The following SMIM14 variants were observed in gnomAD, a reference collection of about 807,000 sequenced individuals.
SMIM14 encodes small integral membrane protein 14.
A neutral mutation model predicts 12.6 loss-of-function variants in SMIM14; 5 were observed. The ratio of observed to expected loss-of-function variants is 0.40; its 90% CI spans 0.21 to 0.83. SMIM14 has a LOEUF of 0.83. Ranked by LOEUF, SMIM14 falls within the 40% of genes least tolerant of loss-of-function variation. SMIM14 has a pLI of 0.37. For synonymous variants in SMIM14, 30 were observed against 40.1 expected, an observed-to-expected ratio of 0.75 and a Z score of 0.95; for missense variants, 86 against 119.1, an observed-to-expected ratio of 0.72 and a Z score of 1.29.
At position 39,633,972 on chromosome 4, in the gene SMIM14, G is replaced by A. The variant is rs553422600; in HGVS notation, c.-36+4767C>T. 9.9e-5 allele frequency among the ~76,000 whole-genome samples: 15 copies of A among 152,228 alleles called. No individual in the cohort carries two copies. In the South Asian group the frequency reaches 2.1e-3, roughly 21 times the overall value. On this transcript the variant is annotated intron_variant, in intron 1 of 4. Coordinates refer to ENST00000295958, the MANE Select transcript of SMIM14 (RefSeq NM_174921.3). ...TTTTGAGACGGAGTCTCGCTCTGTC[G>A]CAAGGCTGGAGTGCAGTGGCACAAT...
At chr4:39,581,512 C>CTTT (rs1157198382) in intron 2 of SMIM14, among the ~76,000 whole-genome samples, 1 of 133,726 alleles carries the variant, frequency 7.5e-6, no homozygotes, top group East Asian at 2.5e-4. Flanking sequence ...TTTTCCTTTT[C>CTTT]TTTTTCTTTT....
chr4:39,571,081 T>C (rs1475374832), intron 3 of SMIM14, among the ~76,000 whole-genome samples: 1 of 152,162 alleles, frequency 6.6e-6, no homozygotes, highest in Non-Finnish European at 1.5e-5. Context: ...TAATGGTCAC[T>C]AAGTCTGTCA....
chr4:39,573,256 C>T lies in SMIM14; in HGVS notation c.76-793G>A, dbSNP rs373540710. ...GATTACAGGCACCCGCCACCACACC[C>T]AGATAGTTTTTTTGTATTTTCAGTA... On this transcript the variant is annotated intron_variant, in intron 2 of 4. Transcript: ENST00000295958. Among the ~76,000 whole-genome samples the T allele has an allele frequency of 5.8e-4, 88 of 152,120 alleles. No homozygotes were observed. In the East Asian group the frequency reaches 8.5e-3, roughly 15 times the overall value.
At chr4:39,609,334 A>T (rs1714938705) in intron 1 of SMIM14, among the ~76,000 whole-genome samples, 1 of 152,152 alleles carries the variant, frequency 6.6e-6, no homozygotes, top group African/African-American at 2.4e-5. Context: ...ATATCTCAAA[A>T]AAGCTGTTAC....
At chr4:39,624,445 T>C (rs949795174) in intron 1 of SMIM14, among the ~76,000 whole-genome samples, 5 of 152,222 alleles carry the variant, frequency 3.3e-5, no homozygotes, top group African/African-American at 9.6e-5. Context: ...CTGCCAGATA[T>C]GACCAATCAT....
intron 1 of SMIM14, among the ~76,000 whole-genome samples, chr4:39,619,747 T>TATTATATATATATCAATA (rs1715388746): frequency 2.5e-5 from 1 of 40,584 alleles, no homozygotes; most frequent in Non-Finnish European, 6.1e-5. Flanking sequence ...TCAATAAATA[T>TATTATATATATATCAATA]AATTTATTAT....
chr4:39,553,595 GT>G lies in SMIM14; in HGVS notation c.268-1438del, dbSNP rs370247858. On this transcript the variant is annotated intron_variant, in intron 4 of 4. Coordinates refer to ENST00000295958, the MANE Select transcript of SMIM14 (RefSeq NM_174921.3). ...TTTTTATATAGTGCTAATAATGCCGGTTTTTTTTTTTTTTTGAGATGGAGTC... is the reference window on the plus strand; with the variant it reads ...TTTTTATATAGTGCTAATAATGCCGGTTTTTTTTTTTTTTGAGATGGAGTC... Among the ~76,000 whole-genome samples the G allele has an allele frequency of 8.0e-3, 1,129 of 140,738 alleles. 15 individuals carry two copies. The highest frequency in any genetic ancestry group is 0.025 in the African/African-American group (976 of 38,694). The allele number at this position is 140,738 out of a possible 152,430, so 92.3% of individuals were successfully genotyped here.
Position 39,585,290 on chromosome 4 carries a change from C to CTATTAT in SMIM14, c.76-12833_76-12828dup, listed in dbSNP as rs151026017. 6.0e-3 allele frequency among the ~76,000 whole-genome samples: 903 copies of CTATTAT among 150,276 alleles called. 17 individuals are homozygous for CTATTAT. The highest frequency in any genetic ancestry group is 0.02 in the African/African-American group (827 of 40,836). On this transcript the variant is annotated intron_variant, in intron 2 of 4. Coordinates refer to ENST00000295958, the MANE Select transcript of SMIM14 (RefSeq NM_174921.3). ...TGGTCTAGATATTCACATATTACTT[C>CTATTAT]TATTATTATTATTATTATTATTAGA...
intron 1 of SMIM14, among the ~76,000 whole-genome samples, chr4:39,607,891 G>T (rs1035065134): frequency 6.6e-6 from 1 of 152,040 alleles, no homozygotes; most frequent in Non-Finnish European, 1.5e-5. Flanking sequence ...TTTATTCAAA[G>T]AAAATATACA....
intron 1 of SMIM14, among the ~76,000 whole-genome samples, chr4:39,609,563 T>C (rs886665035): frequency 2.6e-5 from 4 of 151,988 alleles, no homozygotes; most frequent in Non-Finnish European, 5.9e-5. Context: ...GTATGACATG[T>C]TGGAGGAACT....
chr4:39,614,084 T>C lies in SMIM14; in HGVS notation c.-35-8904A>G, dbSNP rs981451010. Among the ~76,000 whole-genome samples the C allele has an allele frequency of 1.1e-4, 17 of 151,002 alleles. No homozygotes were observed. In the Admixed American group the frequency reaches 1.1e-3, roughly 10 times the overall value. Reference sequence around the variant, plus strand: ...GGTGCACGGCTGTAATCCCAGCTGCTTGGGAGGCTGAAGCAGAATTGCTTG... The same window carrying C: ...GGTGCACGGCTGTAATCCCAGCTGCCTGGGAGGCTGAAGCAGAATTGCTTG... On this transcript the variant is annotated intron_variant, in intron 1 of 4. Transcript: ENST00000295958.
At chr4:39,593,978 C>G (rs894329313) in intron 2 of SMIM14, 38 of 152,164 alleles carry the variant, frequency 2.5e-4, no homozygotes, top group African/African-American at 8.7e-4. Context: ...CCATACTGCC[C>G]AAGGTAATTT....
At chr4:39,552,881 T>C (rs1292542679) in intron 4 of SMIM14, among the ~76,000 whole-genome samples, 2 of 152,124 alleles carry the variant, frequency 1.3e-5, no homozygotes, top group Non-Finnish European at 1.5e-5. Context: ...TTTATTTATT[T>C]ACCCTGAAAT....
At chr4:39,580,163 A>T (rs1408432535) in intron 2 of SMIM14, among the ~76,000 whole-genome samples, 1 of 151,082 alleles carries the variant, frequency 6.6e-6, no homozygotes, top group Non-Finnish European at 1.5e-5. Flanking sequence ...TGGTTAAAAA[A>T]TATTTTGTGT....
intron 2 of SMIM14, among the ~76,000 whole-genome samples, chr4:39,597,175 T>G (rs1714406498): frequency 6.7e-6 from 1 of 149,692 alleles, no homozygotes; most frequent in East Asian, 2.0e-4. Context: ...ATTCTGGACA[T>G]CTGAGAAGCA....
intron 1 of SMIM14, among the ~76,000 whole-genome samples, chr4:39,605,922 G>C (rs772964774): frequency 2.6e-5 from 4 of 152,136 alleles, no homozygotes; most frequent in Non-Finnish European, 5.9e-5. Context: ...ATTTTTAGTA[G>C]AGATGGGGTT....
At chr4:39,624,921 A>G (rs1715634366) in intron 1 of SMIM14, among the ~76,000 whole-genome samples, 1 of 151,338 alleles carries the variant, frequency 6.6e-6, no homozygotes, top group Admixed American at 6.6e-5. Context: ...AAGGATGCAG[A>G]CTTGGCTGGG....
At chr4:39,617,913 A>G (rs1301699998) in intron 1 of SMIM14, among the ~76,000 whole-genome samples, 1 of 152,200 alleles carries the variant, frequency 6.6e-6, no homozygotes, top group Non-Finnish European at 1.5e-5. Context: ...TATAAGACGG[A>G]AAAAAATCAG....
Position 39,552,087 on chromosome 4 carries a change from TG to T in SMIM14, c.*38del. 1 of 1,563,774 alleles carries T rather than the reference TG, an allele frequency of 6.4e-7. No individual in the cohort carries two copies. The highest frequency in any genetic ancestry group is 2.3e-5 in the East Asian group (1 of 43,566). ...CTGGTCATCTTCGTTCGTTTGGTCG[TG>T]CAAGGTGTTAACTATTTTCACTTCC... On this transcript the variant is annotated 3_prime_UTR_variant, in exon 5 of 5. Coordinates refer to ENST00000295958, the MANE Select transcript of SMIM14 (RefSeq NM_174921.3).
Sources: allele counts gnomAD v4.1 joint callset (sites outside exome capture counted in the v4.1 genomes callset), GRCh38; gene constraint gnomAD v4.1.1; transcripts MANE v1.5; gene names NCBI Gene and HGNC (gene_info 2026-07-23, HGNC 2026-07-21).